The following TRRAP variants were observed in gnomAD, a reference collection of about 807,000 sequenced individuals.
TRRAP encodes the protein transformation/transcription domain associated protein.
A neutral mutation model predicts 438.8 loss-of-function variants in TRRAP; 41 were observed. The ratio of observed to expected loss-of-function variants is 0.09; its 90% CI spans 0.07 to 0.12. TRRAP has a LOEUF of 0.12. Ranked by LOEUF, TRRAP falls within the 10% of genes least tolerant of loss-of-function variation. The probability of loss-of-function intolerance (pLI) is 1.00; values close to 1 mark genes in which losing one functional copy is unlikely to be tolerated. For missense variants in TRRAP, 3,122 were observed against 5,055.1 expected, an observed-to-expected ratio of 0.62 and a Z score of 11.60; for synonymous variants, 1,994 against 1,962.9, an observed-to-expected ratio of 1.02 and a Z score of -0.42.
chr7:98,903,594 A>G, intron 12 of TRRAP, 77 bp downstream of exon 12: 2 of 1,584,496 alleles, frequency 1.3e-6, no homozygotes, highest in South Asian at 2.3e-5. Context: ...GACATTCCAT[A>G]GTTGTGCTGT....
At chr7:98,975,133 A>G (rs552137413) in intron 53 of TRRAP, among the ~76,000 whole-genome samples, 233 of 152,354 alleles carry the variant, frequency 1.5e-3, no homozygotes, top group African/African-American at 5.0e-3. Flanking sequence ...AACTGTGCTT[A>G]CTTCATCACA....
At position 98,967,309 on chromosome 7, in the gene TRRAP, G is replaced by C. The variant is rs547960117; in HGVS notation, c.7298+147G>C. 1.9e-5 allele frequency: 25 copies of C among 1,326,000 alleles called. No homozygotes were observed. In the South Asian group the frequency reaches 3.5e-4, roughly 19 times the overall value. 82.1% of individuals were successfully genotyped at this position (1,326,000 alleles called of 1,614,324 possible). Reference sequence around the variant, plus strand: ...ATGCTAAATTGTGTGACCTACTTTGGTGTCATTAAAGGACCTTGTGTTGTA... The same window carrying C: ...ATGCTAAATTGTGTGACCTACTTTGCTGTCATTAAAGGACCTTGTGTTGTA... On this transcript the variant is annotated intron_variant, in intron 50 of 72. Coordinates refer to ENST00000456197, the MANE Select transcript of TRRAP (RefSeq NM_001375524.1).
At chr7:98,993,942 G>A (rs1793535630) in intron 66 of TRRAP, among the ~76,000 whole-genome samples, 1 of 152,202 alleles carries the variant, frequency 6.6e-6, no homozygotes, top group African/African-American at 2.4e-5. Context: ...GAAAGAGGGT[G>A]GAATTGAGGA....
intron 30 of TRRAP, among the ~76,000 whole-genome samples, chr7:98,938,754 A>G (rs1790667127): frequency 1.3e-5 from 2 of 152,236 alleles, no homozygotes; most frequent in African/African-American, 4.8e-5. Flanking sequence ...ATGCACTGAA[A>G]GACTTGTTCA....
rs756815417 is a variant in TRRAP at position 99,012,053 on chromosome 7, G to A, written c.11338-18G>A. The stretch of plus-strand genomic sequence containing the variant: ...TTCTTGGTTAAACACAAGTCGTCTC[G>A]TTCTCTCCCTCACGCAGGTGGATGG... On this transcript the variant is annotated intron_variant, in intron 72 of 72. Coordinates refer to ENST00000456197, the MANE Select transcript of TRRAP (RefSeq NM_001375524.1). This position sits in a 1 kb window ranked among gnomAD's most constrained non-coding sequence, Gnocchi z 5.9. The A allele has an allele frequency of 7.9e-5, 128 of 1,610,668 alleles. No homozygotes were observed. Among genetic ancestry groups the A allele is most frequent in the Non-Finnish European group, 1.0e-4 (118 of 1,177,376 alleles).
chr7:98,945,708 C>T (rs782165992), intron 31 of TRRAP, 39 bp from the exon 32 acceptor site: 1 of 1,594,742 alleles, frequency 6.3e-7, no homozygotes, highest in Non-Finnish European at 8.5e-7. Context: ...ATGTAAATAA[C>T]ATAAATAGAA....
At chr7:98,950,001 A>G (rs1368405645) in intron 37 of TRRAP, 63 bp from the exon 38 acceptor site, 41 of 1,603,810 alleles carry the variant, frequency 2.6e-5, no homozygotes, top group Middle Eastern at 3.4e-4. Flanking sequence ...AAGGCAAGTC[A>G]GAGGCGTAGT....
rs267601663 is a variant in TRRAP at position 99,011,386 on chromosome 7, G to A, written c.11188G>A (p.Asp3730Asn). Residue 3730 changes from aspartate (D) to asparagine (N), a missense_variant, in exon 72 of 73, where the codon GAC becomes AAC. Asp to Asn is a conservative substitution (Grantham distance 23). Around this residue, in one of 24 missense-constraint regions of TRRAP, gnomAD observed 192 missense variants for 355.6 expected, o/e 0.54. Coordinates refer to ENST00000456197, the MANE Select transcript of TRRAP (RefSeq NM_001375524.1). The surrounding 1 kb of genome is among the most constrained non-coding windows in gnomAD (Gnocchi z 7.1). ...TGCCTACTTTCGATTTGACATAAAC[G>A]ACGCGACTGGAGACCTGGATGCCAA... ...NVAYFRFDIN[D>N]ATGDLDANRP... 1 of 1,614,206 alleles carries A rather than the reference G, an allele frequency of 6.2e-7. No homozygotes were observed. The highest frequency in any genetic ancestry group is 8.5e-7 in the Non-Finnish European group (1 of 1,180,044).
At chr7:98,913,270 T>C (rs573776406) in intron 18 of TRRAP, among the ~76,000 whole-genome samples, 1 of 152,256 alleles carries the variant, frequency 6.6e-6, no homozygotes, top group East Asian at 1.9e-4. Context: ...AGTTGTCCAC[T>C]TCACTCAGGT....
intron 20 of TRRAP, among the ~76,000 whole-genome samples, chr7:98,917,893 G>C (rs1312220963): frequency 3.3e-5 from 5 of 152,188 alleles, no homozygotes; most frequent in African/African-American, 4.8e-5. Flanking sequence ...AGGCCGAGGA[G>C]GGTGGATCAC....
chr7:98,974,687 C>T (rs1296864056), intron 53 of TRRAP, among the ~76,000 whole-genome samples: 1 of 152,126 alleles, frequency 6.6e-6, no homozygotes, highest in African/African-American at 2.4e-5. Flanking sequence ...AAATATAATG[C>T]TGGAAAAAAA....
Position 99,011,684 on chromosome 7 carries a change from G to T in TRRAP, c.11337+149G>T, listed in dbSNP as rs1170628161. The T allele has an allele frequency of 4.2e-6, 4 of 962,854 alleles. No individual in the cohort carries two copies. Among genetic ancestry groups the T allele is most frequent in the Non-Finnish European group, 6.0e-6 (4 of 665,694 alleles). 59.6% of individuals were successfully genotyped at this position (962,854 alleles called of 1,614,324 possible). On this transcript the variant is annotated intron_variant, in intron 72 of 72. Transcript: ENST00000456197. This position sits in a 1 kb window ranked among gnomAD's most constrained non-coding sequence, Gnocchi z 7.1. ...CCCTGTGTGTTATGTCCTTTGCTGT[G>T]AGGGCAAGGGATGGTTTTCTCTTTG...
chr7:98,997,587 A>T (rs1793729549), intron 67 of TRRAP, among the ~76,000 whole-genome samples: 1 of 152,046 alleles, frequency 6.6e-6, no homozygotes, highest in Admixed American at 6.6e-5. Flanking sequence ...TAAGAGTGGA[A>T]CTACAGTGGT....
chr7:98,990,474 T>C lies in TRRAP; in HGVS notation c.9611T>C (p.Phe3204Ser). ...TCTCAGGTGCTGTGGCTTTTGAGTT[T>C]TGATGATGACAAAAACACTTTGGCA... Reference protein sequence around the residue: ...YLAKVLWLLSFDDDKNTLADA... With the variant: ...YLAKVLWLLSSDDDKNTLADA... Residue 3204 changes from phenylalanine (F) to serine (S), a missense_variant, in exon 64 of 73, where the codon TTT becomes TCT. Phe to Ser is a radical substitution (Grantham distance 155). Transcript: ENST00000456197. 6.2e-7 allele frequency: 1 copy of C among 1,613,040 alleles called. No individual in the cohort carries two copies. The highest frequency in any genetic ancestry group is 8.5e-7 in the Non-Finnish European group (1 of 1,178,972).
At chr7:98,931,244 T>G (rs1790309782) in intron 25 of TRRAP, among the ~76,000 whole-genome samples, 161 bp from the exon 26 acceptor site, 1 of 152,214 alleles carries the variant, frequency 6.6e-6, no homozygotes. Flanking sequence ...ACTTAGGGAC[T>G]AAAGCACCAA....
intron 40 of TRRAP, 32 bp from the exon 41 acceptor site, chr7:98,955,066 C>G: frequency 6.3e-7 from 1 of 1,586,498 alleles, no homozygotes; most frequent in Non-Finnish European, 8.6e-7. Flanking sequence ...CCTTCCTTCT[C>G]ATCCTCCATA....
intron 65 of TRRAP, 112 bp downstream of exon 65, chr7:98,992,339 C>T (rs759909724): frequency 3.5e-5 from 38 of 1,097,112 alleles, no homozygotes; most frequent in Admixed American, 1.4e-4. Context: ...CACTCATAGC[C>T]GTGGCCAATC....
At chr7:98,925,060 A>G (rs1789985957) in intron 21 of TRRAP, 52 bp from the exon 22 acceptor site, 3 of 1,557,002 alleles carry the variant, frequency 1.9e-6, no homozygotes, top group East Asian at 4.5e-5. Context: ...AAAGCTTTTC[A>G]CAATCATGTA....
rs182641831 is a variant in TRRAP, at chr7:98,999,552, C to T, written c.10310-4638C>T. ...GGGTCTCTTGCTTAAGAAACTGCAT[C>T]CAGGCAGACAGGATCCCACTGCCAC... On this transcript the variant is annotated intron_variant, in intron 67 of 72. Transcript: ENST00000456197. 9 of 727,896 alleles carry T rather than the reference C, an allele frequency of 1.2e-5. No individual in the cohort carries two copies. In the East Asian group the frequency reaches 2.0e-4, roughly 16 times the overall value. 45.1% of individuals were successfully genotyped at this position (727,896 alleles called of 1,614,324 possible). A position where few individuals can be genotyped will look rare whatever the true frequency, so the allele number is the denominator to read the frequency against.
Sources: gnomAD v4.1 joint callset for allele counts (sites outside exome capture counted in the v4.1 genomes callset) on GRCh38, gnomAD v4.1.1 for gene constraint, gnomAD v4.1.1 regional missense constraint, Gnocchi (gnomAD v3.1) non-coding constraint, MANE v1.5 for transcripts, NCBI Gene and HGNC (gene_info 2026-07-23, HGNC 2026-07-21) for gene names.